Variants in OR1A1 observed in about 807,000 individuals in gnomAD.
OR1A1 encodes olfactory receptor family 1 subfamily A member 1, also known as olfactory receptor 1A1.
For synonymous variants in OR1A1, 145 were observed against 147.8 expected, an observed-to-expected ratio of 0.98 and a Z score of 0.13; for missense variants, 391 against 379.9, an observed-to-expected ratio of 1.03 and a Z score of -0.24.
chr17:3,216,557 TGAGGGCCTACATTG>T lies in OR1A1; in HGVS notation c.*10_*23del. On this transcript the variant is annotated 3_prime_UTR_variant, in exon 4 of 4. Transcript: ENST00000641732. ...CAAGAGAATCTCCTCGTAACCAATGTGAGGGCCTACATTGGATACCGTAGTCACCAGTTACGGTA... is the reference window on the plus strand; with the variant it reads ...CAAGAGAATCTCCTCGTAACCAATGTGATACCGTAGTCACCAGTTACGGTA... 1 of 1,602,100 alleles carries T rather than the reference TGAGGGCCTACATTG, an allele frequency of 6.2e-7. No individual in the cohort carries two copies. Among genetic ancestry groups the T allele is most frequent in the Non-Finnish European group, 8.5e-7 (1 of 1,172,204 alleles).
chr17:3,215,486 C>T, intron 3 of OR1A1, 130 bp from the exon 4 acceptor site: 1 of 663,850 alleles, frequency 1.5e-6, no homozygotes, highest in Non-Finnish European at 2.5e-6. Context: ...TACTGGATAT[C>T]TCTATAATTT....
chr17:3,211,606 G>T (rs2048442188), intron 2 of OR1A1, among the ~76,000 whole-genome samples: 1 of 152,132 alleles, frequency 6.6e-6, no homozygotes. Context: ...AAAGTGCTGG[G>T]ATTACAGATG....
chr17:3,216,784 A>G lies in OR1A1; in HGVS notation c.*234A>G. 1 of 432,762 alleles carries G rather than the reference A, an allele frequency of 2.3e-6. No homozygotes were observed. The highest frequency in any genetic ancestry group is 4.1e-6 in the Non-Finnish European group (1 of 243,356). 26.8% of individuals were successfully genotyped at this position (432,762 alleles called of 1,614,324 possible). On this transcript the variant is annotated 3_prime_UTR_variant, in exon 4 of 4. Coordinates refer to ENST00000641732, the MANE Select transcript of OR1A1 (RefSeq NM_014565.3). The stretch of plus-strand genomic sequence containing the variant: ...GTGGCAGCACAGGGATATAGGGCAT[A>G]TGTCCTGATGAGCAGAGTCAAGTTG...
At chr17:3,212,229 A>C (rs373977370) in intron 2 of OR1A1, among the ~76,000 whole-genome samples, 3 of 149,924 alleles carry the variant, frequency 2.0e-5, no homozygotes, top group African/African-American at 7.4e-5. Flanking sequence ...CTGTGGTCAC[A>C]CTGTATCAAG....
Position 3,216,261 on chromosome 17 carries a change from T to C in OR1A1, c.641T>C (p.Ile214Thr), listed in dbSNP as rs947637233. ...TTCTCTGTGCCATTACTATGCATCA[T>C]TGTCTCCTATATTCGAGTCTTCTCC... ...GIFSVPLLCIIVSYIRVFSTV... is the reference protein window; with the variant it reads ...GIFSVPLLCITVSYIRVFSTV... The change falls in exon 4 of 4, where the codon ATT becomes ACT. Residue 214 changes from isoleucine to threonine, a missense_variant. By Grantham distance (89) the Ile-to-Thr change is moderately conservative (BLOSUM62 -1). Coordinates refer to ENST00000641732, the MANE Select transcript of OR1A1 (RefSeq NM_014565.3). The C allele has an allele frequency of 6.2e-7, 1 of 1,614,092 alleles. No individual in the cohort carries two copies. The highest frequency in any genetic ancestry group is 1.3e-5 in the African/African-American group (1 of 74,926).
chr17:3,214,160 A>T (rs2048455431), intron 3 of OR1A1: 1 of 152,196 alleles, frequency 6.6e-6, no homozygotes, highest in South Asian at 2.1e-4. Flanking sequence ...ATATACCTGG[A>T]TTTGACTCAA....
intron 2 of OR1A1, among the ~76,000 whole-genome samples, chr17:3,209,928 T>G (rs1240190487): frequency 7.2e-6 from 1 of 139,512 alleles, no homozygotes; most frequent in African/African-American, 2.5e-5. Context: ...TATTATTTTA[T>G]GGTTAAAATT....
At chr17:3,209,210 A>G (rs1374894259) in intron 2 of OR1A1, among the ~76,000 whole-genome samples, 2 of 151,756 alleles carry the variant, frequency 1.3e-5, no homozygotes, top group African/African-American at 4.8e-5. Context: ...CCGAGTCCCC[A>G]AAGTCCACTG....
In OR1A1 at chr17:3,209,195, T is replaced by TC. The variant is rs754850177; in HGVS notation, c.-139+203dup. On this transcript the variant is annotated intron_variant, in intron 2 of 3. Coordinates refer to ENST00000641732, the MANE Select transcript of OR1A1 (RefSeq NM_014565.3). ...TTATCCCTCGCCCCCTTCGCACTCT[T>TC]CCCCCCGAGTCCCCAAAGTCCACTG... is the stretch of plus-strand genomic sequence containing the variant. Among the ~76,000 whole-genome samples, 93 of 152,064 alleles carry TC rather than the reference T, an allele frequency of 6.1e-4. 1 individual carries two copies. The highest frequency in any genetic ancestry group is 5.6e-4 in the Non-Finnish European group (38 of 67,994).
chr17:3,212,723 C>T (rs570102960), intron 3 of OR1A1, 124 bp downstream of exon 3: 4 of 152,244 alleles, frequency 2.6e-5, no homozygotes, highest in South Asian at 4.1e-4. Context: ...GGGTAATACC[C>T]GAGGTTCCTT....
intron 2 of OR1A1, among the ~76,000 whole-genome samples, chr17:3,210,068 T>C (rs34393260): frequency 0.25 from 37,972 of 151,998 alleles, 5,536 homozygotes; most frequent in East Asian, 0.57. Context: ...TACTAAAAAA[T>C]AGCACAATTT....
At chr17:3,215,540 G>A in intron 3 of OR1A1, 76 bp from the exon 4 acceptor site, 2 of 1,057,382 alleles carry the variant, frequency 1.9e-6, no homozygotes, top group Admixed American at 2.1e-5. Flanking sequence ...TAAGTCAGAA[G>A]TGATGGAGAA....
At position 3,218,224 on chromosome 17, in the gene OR1A1, A is replaced by G; in HGVS notation, c.*1674A>G. 6.6e-6 allele frequency: 1 copy of G among 152,244 alleles called. No homozygotes were observed. The highest frequency in any genetic ancestry group is 1.5e-5 in the Non-Finnish European group (1 of 68,044). The allele number at this position is 152,244 out of a possible 1,614,324, so 9.4% of individuals were successfully genotyped here. On this transcript the variant is annotated 3_prime_UTR_variant, in exon 4 of 4. Coordinates refer to ENST00000641732, the MANE Select transcript of OR1A1 (RefSeq NM_014565.3). ...CAAATCAAAACCACAATGAGACACCATCTCATGCCAGTTGGAATGGCGATC... is the reference window on the plus strand; with the variant it reads ...CAAATCAAAACCACAATGAGACACCGTCTCATGCCAGTTGGAATGGCGATC...
In OR1A1 at chr17:3,216,121, C is replaced by T. The variant is rs2048467674; in HGVS notation, c.501C>T (p.Ser167=). ...LPHTLLTASL[S]FCGNQEVANF... ...ACACTCTGCTCACAGCTAGTCTGTCCTTCTGTGGCAACCAGGAAGTGGCCA... is the reference window on the plus strand; with the variant it reads ...ACACTCTGCTCACAGCTAGTCTGTCTTTCTGTGGCAACCAGGAAGTGGCCA... The change falls in exon 4 of 4, where the codon TCC becomes TCT. Residue 167 remains serine, a synonymous_variant. Transcript: ENST00000641732. 6.2e-7 allele frequency: 1 copy of T among 1,614,156 alleles called. No individual in the cohort carries two copies. The highest frequency in any genetic ancestry group is 8.5e-7 in the Non-Finnish European group (1 of 1,180,020).
chr17:3,214,022 C>T (rs1268292708), intron 3 of OR1A1: 1 of 152,032 alleles, frequency 6.6e-6, no homozygotes, highest in African/African-American at 2.4e-5. Context: ...AGCACTGGGA[C>T]ATTTAGTAGA....
intron 1 of OR1A1, among the ~76,000 whole-genome samples, 160 bp downstream of exon 1, chr17:3,208,160 T>C (rs1285623282): frequency 1.5e-5 from 2 of 137,604 alleles, no homozygotes; most frequent in African/African-American, 5.0e-5. Context: ...GAGATAGAGA[T>C]AGAGATAGAG....
chr17:3,216,406 G>C lies in OR1A1; in HGVS notation c.786G>C (p.Leu262Phe). 6.2e-7 allele frequency: 1 copy of C among 1,614,146 alleles called. No individual in the cohort carries two copies. The highest frequency in any genetic ancestry group is 8.5e-7 in the Non-Finnish European group (1 of 1,180,032). The change falls in exon 4 of 4, where the codon TTG (leucine) becomes TTC (phenylalanine). Residue 262 changes from leucine (L) to phenylalanine (F), a missense_variant. Transcript: ENST00000641732. ...GTVMGTYFRP[L>F]TNYSLKDAVI... ...TCATGGGCACGTATTTCCGCCCTTTGACCAATTATAGCCTAAAAGACGCAG... is the reference window on the plus strand; with the variant it reads ...TCATGGGCACGTATTTCCGCCCTTTCACCAATTATAGCCTAAAAGACGCAG...
At position 3,215,659 on chromosome 17, in the gene OR1A1, C is replaced by T. The variant is rs763280963; in HGVS notation, c.39C>T (p.Ile13=). 1.7e-5 allele frequency: 28 copies of T among 1,614,028 alleles called. No homozygotes were observed. The South Asian group carries it at 2.1e-4, about 12-fold the overall frequency. Residue 13 remains isoleucine (I), a synonymous_variant, in exon 4 of 4, where the codon ATC becomes ATT. Transcript: ENST00000641732. ...ACCAGTCCTCTACACTGGAATTCAT[C>T]CTCCTGGGAGTTACTGGTCAGCAGG... ...ENNQSSTLEF[I]LLGVTGQQEQ...
intron 3 of OR1A1, chr17:3,214,642 G>A (rs1349370109): frequency 6.6e-6 from 1 of 152,092 alleles, no homozygotes; most frequent in Non-Finnish European, 1.5e-5. Context: ...TCTTAGGTTG[G>A]ATGTGCAGTT....
Sources: gnomAD v4.1 joint callset for allele counts (sites outside exome capture counted in the v4.1 genomes callset) on GRCh38, gnomAD v4.1.1 for gene constraint, MANE v1.5 for transcripts, NCBI Gene and HGNC (gene_info 2026-07-23, HGNC 2026-07-21) for gene names.